ADGRG4: variants seen among roughly 807,000 people sequenced by gnomAD.
ADGRG4 encodes the protein G protein-coupled receptor 112.
A neutral mutation model predicts 126.2 loss-of-function variants in ADGRG4; 122 were observed. The ratio of observed to expected loss-of-function variants is 0.97; its 90% CI spans 0.83 to 1.12. ADGRG4 has a LOEUF of 1.12. Among genes scored for constraint, ADGRG4 ranks in the 50% most tolerant of loss-of-function variants. The probability of loss-of-function intolerance (pLI) is 0.00; values close to 1 mark genes in which losing one functional copy is unlikely to be tolerated. For missense variants in ADGRG4, 2,481 were observed against 2,251.8 expected (o/e 1.10, Z -2.06); for synonymous variants, 943 against 838.7 (o/e 1.12, Z -2.15).
intron 10 of ADGRG4, 63 bp from the exon 11 acceptor site, chrX:136,359,229 C>T: frequency 2.1e-6 from 2 of 971,071 alleles, no homozygotes; most frequent in East Asian, 3.2e-5. Flanking sequence ...TTCTGCATTG[C>T]AGGCCAAGTT....
chrX:136,380,604 CTCTTCT>C (rs1219064272), intron 15 of ADGRG4, among the ~76,000 whole-genome samples: 2,206 of 55,268 alleles, frequency 0.04, 67 homozygotes, highest in East Asian at 0.12. Flanking sequence ...CCTCCTCCTC[CTCTTCT>C]TCTTCTTCTT....
At position 136,405,852 on chromosome X, in the gene ADGRG4, C is replaced by T. The variant is rs779521019; in HGVS notation, c.8815C>T (p.Leu2939Phe). ...KTRRKMILHD[L>F]KGTMSLTFLL... The stretch of plus-strand genomic sequence containing the variant: ...TCGGCGGAAGATGATCCTGCATGAC[C>T]TCAAAGGCACAATGAGCCTGACATT... The change falls in exon 23 of 26, where the codon CTC becomes TTC. Residue 2939 changes from leucine (L) to phenylalanine (F), a missense_variant. Transcript: ENST00000394143. 2.5e-6 allele frequency: 3 copies of T among 1,206,490 alleles called. No individual in the cohort carries two copies. The highest frequency in any genetic ancestry group is 3.4e-6 in the Non-Finnish European group (3 of 893,729).
At chrX:136,371,221 G>A (rs1377520716) in intron 13 of ADGRG4, 107 bp from the exon 14 acceptor site, 7 of 454,236 alleles carry the variant, frequency 1.5e-5, no homozygotes, top group East Asian at 7.8e-5. Flanking sequence ...CATTACCTTG[G>A]TAGGTGTTCT....
chrX:136,387,613 A>G, intron 15 of ADGRG4, 127 bp from the exon 16 acceptor site: 1 of 553,937 alleles, frequency 1.8e-6, no homozygotes, highest in Non-Finnish European at 3.0e-6. Flanking sequence ...ATCATCGCTT[A>G]TGGAGCTAGT....
chrX:136,412,330 C>T lies in ADGRG4; in HGVS notation c.9001C>T (p.Leu3001Phe). ...TGTGCGGGAGCAGTGGCAGATACAC[C>T]TCTGCTGTGGGTGGTTGCGATTGGA... is the stretch of plus-strand genomic sequence containing the variant. ...ESVREQWQIH[L>F]CCGWLRLDNS... Residue 3001 changes from leucine to phenylalanine, a missense_variant, in exon 24 of 26, where the codon CTC becomes TTC. Transcript: ENST00000394143. 8.4e-7 allele frequency: 1 copy of T among 1,197,383 alleles called. No individual in the cohort carries two copies. Among genetic ancestry groups the T allele is most frequent in the Non-Finnish European group, 1.1e-6 (1 of 882,353 alleles).
At chrX:136,342,094 G>T (rs1218091920) in intron 5 of ADGRG4, among the ~76,000 whole-genome samples, 2 of 111,594 alleles carry the variant, frequency 1.8e-5, no homozygotes, top group Non-Finnish European at 3.8e-5. Context: ...TGAACTGGGT[G>T]TTTTTCTTCT....
chrX:136,306,674 A>T (rs1315612206), intron 3 of ADGRG4, among the ~76,000 whole-genome samples: 4 of 106,979 alleles, frequency 3.7e-5, no homozygotes, highest in Middle Eastern at 4.7e-3. Flanking sequence ...CCTTTCCTCA[A>T]CCCACCTTTT....
intron 5 of ADGRG4, among the ~76,000 whole-genome samples, chrX:136,336,639 A>G (rs1308157554): frequency 9.0e-6 from 1 of 111,317 alleles, no homozygotes. Flanking sequence ...TACTCTAGTG[A>G]ATATTATTAT....
chrX:136,409,071 A>G (rs1285125312), intron 23 of ADGRG4, among the ~76,000 whole-genome samples: 1 of 110,096 alleles, frequency 9.1e-6, no homozygotes, highest in Non-Finnish European at 1.9e-5. Context: ...ACACACACAC[A>G]CACACACACA....
chrX:136,334,204 G>T (rs942539775), intron 5 of ADGRG4, among the ~76,000 whole-genome samples: 9 of 108,056 alleles, frequency 8.3e-5, no homozygotes, highest in Non-Finnish European at 1.5e-4. Context: ...TGTTGAAAAG[G>T]TTATACTTGC....
At chrX:136,396,367 ATATATATATATATATATATGTATG>A (rs1241316862) in intron 19 of ADGRG4, among the ~76,000 whole-genome samples, 2 of 78,964 alleles carry the variant, frequency 2.5e-5, no homozygotes, top group African/African-American at 1.5e-4. Context: ...TTTATTTTAC[ATATATATATATATATATATGTATG>A]TATATATATA....
rs769590843 is a variant in ADGRG4, at chrX:136,387,630, C to T, written c.7777-110C>T. 9.1e-5 allele frequency: 62 copies of T among 680,068 alleles called. 2 individuals carry two copies. In the Admixed American group the frequency reaches 1.5e-3, roughly 16 times the overall value. The allele number at this position is 680,068 out of a possible 1,213,427, so 56.0% of individuals were successfully genotyped here. On this transcript the variant is annotated intron_variant, in intron 15 of 25. Coordinates refer to ENST00000394143, the MANE Select transcript of ADGRG4 (RefSeq NM_153834.4). The stretch of plus-strand genomic sequence containing the variant: ...CATCGCTTATGGAGCTAGTTCCCAC[C>T]TTTCAGTCCTTTGGGTGATATTCTG...
In ADGRG4 at chrX:136,371,425, A is replaced by G; in HGVS notation, c.7494A>G (p.Ser2498=). 8.5e-7 allele frequency: 1 copy of G among 1,183,284 alleles called. No individual in the cohort carries two copies. The highest frequency in any genetic ancestry group is 1.8e-5 in the South Asian group (1 of 55,271). The change falls in exon 14 of 26, where the codon TCA becomes TCG. Residue 2498 remains serine (S), a synonymous_variant. Coordinates refer to ENST00000394143, the MANE Select transcript of ADGRG4 (RefSeq NM_153834.4). ...EETKIIVSKI[S]DISQCDEISM... ...CAAAGATTATTGTTTCTAAAATATC[A>G]GATATTTCACAATGTGATGAGATAA...
intron 1 of ADGRG4, among the ~76,000 whole-genome samples, chrX:136,302,762 T>G (rs1037384617): frequency 3.6e-5 from 4 of 111,968 alleles, no homozygotes; most frequent in African/African-American, 1.3e-4. Context: ...TAATAATAGC[T>G]AATACTTAAT....
At chrX:136,335,342 TC>T (rs1231605375) in intron 5 of ADGRG4, among the ~76,000 whole-genome samples, 1 of 109,797 alleles carries the variant, frequency 9.1e-6, no homozygotes, top group Non-Finnish European at 1.9e-5. Flanking sequence ...GTAATTTCTT[TC>T]TTTTTTTTTT....
intron 7 of ADGRG4, among the ~76,000 whole-genome samples, chrX:136,351,996 C>A (rs2075065498): frequency 9.0e-6 from 1 of 111,532 alleles, no homozygotes; most frequent in Non-Finnish European, 1.9e-5. Flanking sequence ...ATGACTAATA[C>A]ATACTCTCTG....
chrX:136,361,539 C>A lies in ADGRG4; in HGVS notation c.7229C>A (p.Ala2410Asp). 1.7e-6 allele frequency: 2 copies of A among 1,188,789 alleles called. No individual in the cohort carries two copies. Among genetic ancestry groups the A allele is most frequent in the Non-Finnish European group, 2.3e-6 (2 of 882,017 alleles). ...KWLLTNPTET[A>D]QTRCIKNEDG... ...CTATTAACCAACCCTACGGAGACAG[C>A]CCAAACCAGATGCATAAAAAATGAG... Residue 2410 changes from alanine (A) to aspartate (D), a missense_variant, in exon 12 of 26, where the codon GCC becomes GAC. By Grantham distance (126) the Ala-to-Asp change is moderately radical. Transcript: ENST00000394143.
intron 24 of ADGRG4, among the ~76,000 whole-genome samples, chrX:136,413,833 C>G (rs951081109): frequency 9.1e-6 from 1 of 109,570 alleles, no homozygotes; most frequent in Admixed American, 9.7e-5. Flanking sequence ...TTCCGCCTCC[C>G]GGGTTCAAGT....
At chrX:136,332,574 T>C (rs1377627437) in intron 5 of ADGRG4, among the ~76,000 whole-genome samples, 1 of 109,843 alleles carries the variant, frequency 9.1e-6, no homozygotes, top group African/African-American at 3.3e-5. Flanking sequence ...CCCTGAGGAG[T>C]CGCCACACTG....
Sources: allele counts gnomAD v4.1 joint callset (sites outside exome capture counted in the v4.1 genomes callset), GRCh38; gene constraint gnomAD v4.1.1; transcripts MANE v1.5; gene names NCBI Gene and HGNC (gene_info 2026-07-23, HGNC 2026-07-21).